The following ANK2 variants were observed in gnomAD, a reference collection of about 807,000 sequenced individuals.
ANK2 encodes the protein ankyrin 2.
ANK2 carries 83 observed loss-of-function variants against 360.5 expected under a neutral mutation model. That is an observed-to-expected ratio of 0.23 (90% confidence interval 0.19 to 0.28). The LOEUF is 0.28. Among genes scored for constraint, ANK2 ranks in the 10% least tolerant of loss-of-function variants. The pLI, the probability that ANK2 is intolerant of heterozygous loss-of-function variation, is 1.00. For missense variants in ANK2, 4,201 were observed against 4,795.7 expected (o/e 0.88, Z 3.66); for synonymous variants, 1,740 against 1,759.5 (o/e 0.99, Z 0.28).
chr4:112,736,909 T>C, the ANK2 span, among the ~76,000 whole-genome samples: 1 of 152,216 alleles, frequency 6.6e-6, no homozygotes, highest in Non-Finnish European at 1.5e-5. Context: ...TAATTCTCCC[T>C]TGAAGGAGCA....
intron 2 of ANK2, chr4:112,980,481 C>T (rs962604783): frequency 2.0e-5 from 3 of 152,256 alleles, no homozygotes; most frequent in African/African-American, 7.2e-5. Context: ...CCAGCTTTTT[C>T]ACAGCGGCCA....
chr4:112,707,926 G>T, the ANK2 span, among the ~76,000 whole-genome samples: 1 of 152,146 alleles, frequency 6.6e-6, no homozygotes, highest in Non-Finnish European at 1.5e-5. Flanking sequence ...TTATTGACTG[G>T]TGTCCTCTGT....
the ANK2 span, among the ~76,000 whole-genome samples, chr4:112,808,499 C>T: frequency 6.6e-6 from 1 of 152,170 alleles, no homozygotes; most frequent in Non-Finnish European, 1.5e-5. Context: ...GAAATACAAA[C>T]TTCAGCTCTT....
intron 2 of ANK2, among the ~76,000 whole-genome samples, chr4:112,914,367 TC>T (rs1175933841): frequency 4.6e-5 from 7 of 152,172 alleles, no homozygotes; most frequent in Non-Finnish European, 1.0e-4. Flanking sequence ...ACGCCGGTAA[TC>T]CCCGTACTTT....
intron 13 of ANK2, among the ~76,000 whole-genome samples, chr4:113,261,397 A>G (rs1036338053): frequency 6.6e-6 from 1 of 152,220 alleles, no homozygotes; most frequent in African/African-American, 2.4e-5. Context: ...TCAGTGGACT[A>G]ATGGTAAAGT....
At chr4:113,227,708 G>T (rs1047610560) in intron 4 of ANK2, among the ~76,000 whole-genome samples, 1 of 152,134 alleles carries the variant, frequency 6.6e-6, no homozygotes, top group Non-Finnish European at 1.5e-5. Context: ...ACTGCCACCT[G>T]CCTGTCACTC....
chr4:113,367,990 G>GA (rs370530823), intron 42 of ANK2, 139 bp downstream of exon 42: 772 of 1,004,188 alleles, frequency 7.7e-4, no homozygotes, highest in Non-Finnish European at 9.0e-4. Context: ...AGCTAAAGGG[G>GA]AAAAAAAAAG....
chr4:113,021,528 A>ACACCCC (rs2058083314), intron 2 of ANK2, among the ~76,000 whole-genome samples: 1 of 63,242 alleles, frequency 1.6e-5, no homozygotes, highest in African/African-American at 6.4e-5. Context: ...ACACACACAC[A>ACACCCC]CCCACACACA....
At chr4:112,739,099 A>T in the ANK2 span, 1 of 502,422 alleles carries the variant, frequency 2.0e-6, no homozygotes, top group Non-Finnish European at 3.7e-6. Flanking sequence ...AGCAAAGAAA[A>T]TGAATAGATA....
chr4:113,333,294 GTA>G lies in ANK2; in HGVS notation c.3379+90_3379+91del, dbSNP rs996760192. 9,398 of 1,445,278 alleles carry G rather than the reference GTA, an allele frequency of 6.5e-3. 122 individuals are homozygous for G. The highest frequency in any genetic ancestry group is 8.4e-3 in the Non-Finnish European group (8,799 of 1,045,832). The allele number at this position is 1,445,278 out of a possible 1,614,324, so 89.5% of individuals were successfully genotyped here. The stretch of plus-strand genomic sequence containing the variant: ...TCTTTCTTATGACCTAGGGGTGTGT[GTA>G]TATGTGTGTGTGTGTGTGTGTGTGT... On this transcript the variant is annotated intron_variant, in intron 29 of 45. Transcript: ENST00000357077.
chr4:113,205,961 C>T (rs2098941428), intron 4 of ANK2, among the ~76,000 whole-genome samples: 1 of 152,112 alleles, frequency 6.6e-6, no homozygotes, highest in Non-Finnish European at 1.5e-5. Context: ...CACATATGCA[C>T]ACACACACAT....
chr4:112,830,615 A>AT (rs1475564516), intron 1 of ANK2, among the ~76,000 whole-genome samples: 43 of 112,560 alleles, frequency 3.8e-4, no homozygotes, highest in African/African-American at 1.2e-3. Flanking sequence ...AATTATTATT[A>AT]TTATTTTTTT....
At chr4:112,802,787 C>T in the ANK2 span, among the ~76,000 whole-genome samples, 4 of 152,056 alleles carry the variant, frequency 2.6e-5, no homozygotes, top group South Asian at 2.1e-4. Context: ...AAAACAAAAA[C>T]GATACGCCTC....
At chr4:112,789,491 G>A in the ANK2 span, among the ~76,000 whole-genome samples, 543 of 152,124 alleles carry the variant, frequency 3.6e-3, 5 homozygotes, top group African/African-American at 9.4e-3. Context: ...AAAGGCCTTG[G>A]AAAAAAAGAA....
intron 1 of ANK2, among the ~76,000 whole-genome samples, chr4:113,083,638 G>A (rs925409939): frequency 3.3e-5 from 5 of 152,160 alleles, no homozygotes; most frequent in Non-Finnish European, 7.3e-5. Context: ...TAAGCCCTCT[G>A]AGCCAATCAA....
At chr4:112,882,001 C>G in intron 1 of ANK2, 2 of 546,164 alleles carry the variant, frequency 3.7e-6, no homozygotes, top group Admixed American at 5.0e-5. Context: ...GTGCTTGGTG[C>G]TTGCATGTCT....
At chr4:112,784,939 A>G in the ANK2 span, among the ~76,000 whole-genome samples, 459 of 152,358 alleles carry the variant, frequency 3.0e-3, 3 homozygotes, top group African/African-American at 0.01. Context: ...CAAAGCCAAC[A>G]GTACTTTGTG....
chr4:112,812,029 C>T, the ANK2 span, among the ~76,000 whole-genome samples: 18 of 146,904 alleles, frequency 1.2e-4, no homozygotes, highest in South Asian at 2.2e-4. Flanking sequence ...GAGCCACGAT[C>T]CCGCCACTGC....
the ANK2 span, among the ~76,000 whole-genome samples, chr4:112,775,539 A>ACACACACACACACACACACACC: frequency 6.6e-6 from 1 of 151,698 alleles, no homozygotes; most frequent in Admixed American, 6.6e-5. Context: ...ACACACACAC[A>ACACACACACACACACACACACC]CACACAAGAA....
Sources: allele counts gnomAD v4.1 joint callset (sites outside exome capture counted in the v4.1 genomes callset), GRCh38; gene constraint gnomAD v4.1.1; transcripts MANE v1.5; gene names NCBI Gene and HGNC (gene_info 2026-07-23, HGNC 2026-07-21).